The following NCK2 variants were observed in gnomAD, a reference collection of about 807,000 sequenced individuals.
NCK2 encodes NCK adaptor protein 2, also known as cytoplasmic protein NCK2.
A neutral mutation model predicts 33.9 loss-of-function variants in NCK2; 16 were observed. That is an observed-to-expected ratio of 0.47 (90% CI 0.32 to 0.72). NCK2 has a LOEUF of 0.72. Ranked by LOEUF, NCK2 falls within the 30% of genes least tolerant of loss-of-function variation. The probability of loss-of-function intolerance (pLI) is 0.03; values close to 1 mark genes in which losing one functional copy is unlikely to be tolerated. For synonymous variants in NCK2, 273 were observed against 239.9 expected (o/e 1.14, Z -1.27); for missense variants, 418 against 537.3 (o/e 0.78, Z 2.19).
In NCK2 at chr2:105,778,692, T is replaced by C. The variant is rs115897328; in HGVS notation, c.-201+33554T>C. Among the ~76,000 whole-genome samples, 1,467 of 152,300 alleles carry C rather than the reference T, an allele frequency of 9.6e-3. 10 individuals carry two copies. The highest frequency in any genetic ancestry group is 0.016 in the South Asian group (76 of 4,826). On this transcript the variant is annotated intron_variant, in intron 1 of 4. Coordinates refer to ENST00000233154, the MANE Select transcript of NCK2 (RefSeq NM_003581.5). ...TTACTGCACTGGTTATGTGTATCAA[T>C]TGAGATAATGGTTATTTTTTTCTTC...
chr2:105,870,610 G>A (rs1169163696), intron 3 of NCK2, among the ~76,000 whole-genome samples: 1 of 152,006 alleles, frequency 6.6e-6, no homozygotes, highest in Non-Finnish European at 1.5e-5. Flanking sequence ...ATAAAAATTA[G>A]CCAGGGTGGT....
chr2:105,824,273 G>A lies in NCK2; in HGVS notation c.-17+7660G>A, dbSNP rs146950324. The stretch of plus-strand genomic sequence containing the variant: ...CTGCTTTCCACTTGGGCCCCTGACG[G>A]TGCTCACAGGGAATGAGTGGGAAAT... On this transcript the variant is annotated intron_variant, in intron 2 of 4. Coordinates refer to ENST00000233154, the MANE Select transcript of NCK2 (RefSeq NM_003581.5). Among the ~76,000 whole-genome samples the A allele has an allele frequency of 3.6e-4, 54 of 150,518 alleles. No homozygotes were observed. The East Asian group carries it at 9.1e-3, about 25-fold the overall frequency.
chr2:105,779,736 G>T (rs1165668346), intron 1 of NCK2, among the ~76,000 whole-genome samples: 1 of 152,054 alleles, frequency 6.6e-6, no homozygotes, highest in Non-Finnish European at 1.5e-5. Context: ...GAGCCTCTTG[G>T]TCAGACCATG....
intron 2 of NCK2, among the ~76,000 whole-genome samples, chr2:105,844,461 C>T (rs1676771718): frequency 6.6e-6 from 1 of 151,790 alleles, no homozygotes; most frequent in Non-Finnish European, 1.5e-5. Flanking sequence ...TGGTGGCTCA[C>T]GCCTGTAATC....
chr2:105,885,245 T>C (rs969023357), intron 4 of NCK2, among the ~76,000 whole-genome samples: 10 of 152,204 alleles, frequency 6.6e-5, no homozygotes, highest in African/African-American at 2.4e-4. Context: ...CCCGAAGATA[T>C]CATGTATTTA....
intron 1 of NCK2, among the ~76,000 whole-genome samples, chr2:105,777,684 C>G (rs1000752326): frequency 1.6e-4 from 24 of 152,210 alleles, no homozygotes; most frequent in African/African-American, 5.8e-4. Context: ...CAATTCCTAT[C>G]AAGGTCCTGT....
chr2:105,820,443 T>C (rs1429749767), intron 2 of NCK2, among the ~76,000 whole-genome samples: 1 of 152,150 alleles, frequency 6.6e-6, no homozygotes, highest in East Asian at 1.9e-4. Flanking sequence ...GAGAGCAGCT[T>C]GAGGAGGATG....
chr2:105,744,503 G>C (rs1182860342), upstream of NCK2, among the ~76,000 whole-genome samples: 1 of 152,138 alleles, frequency 6.6e-6, no homozygotes, highest in Non-Finnish European at 1.5e-5. Context: ...AAGCCCACCC[G>C]GCAGTCATCC....
At chr2:105,844,191 A>T (rs1676760238) in intron 2 of NCK2, among the ~76,000 whole-genome samples, 1 of 152,064 alleles carries the variant, frequency 6.6e-6, no homozygotes, top group African/African-American at 2.4e-5. Flanking sequence ...ATGCTCTTCA[A>T]AAAAAAGGGA....
chr2:105,748,832 A>C (rs1337861053), intron 1 of NCK2, among the ~76,000 whole-genome samples: 1 of 152,098 alleles, frequency 6.6e-6, no homozygotes, highest in African/African-American at 2.4e-5. Context: ...GAATATGTGA[A>C]TAATGAGTGC....
At chr2:105,842,370 G>A (rs1424208742) in intron 2 of NCK2, among the ~76,000 whole-genome samples, 1 of 152,136 alleles carries the variant, frequency 6.6e-6, no homozygotes, top group Non-Finnish European at 1.5e-5. Flanking sequence ...ACAGGCGTGA[G>A]CCACTGCACC....
At chr2:105,840,816 C>A (rs1676612981) in intron 2 of NCK2, among the ~76,000 whole-genome samples, 1 of 152,330 alleles carries the variant, frequency 6.6e-6, no homozygotes, top group South Asian at 2.1e-4. Flanking sequence ...GTGGCTTAGG[C>A]CCAGAGGCTG....
At chr2:105,874,116 C>T (rs1265226334) in intron 3 of NCK2, among the ~76,000 whole-genome samples, 1 of 152,098 alleles carries the variant, frequency 6.6e-6, no homozygotes, top group Non-Finnish European at 1.5e-5. Context: ...CTCATGTGGC[C>T]GCCCTTTCAA....
At position 105,882,143 on chromosome 2, in the gene NCK2, A is replaced by G. The variant is rs570479509; in HGVS notation, c.948+94A>G. On this transcript the variant is annotated intron_variant, in intron 4 of 4. Coordinates refer to ENST00000233154, the MANE Select transcript of NCK2 (RefSeq NM_003581.5). ...CGCGCCCTTTTCACATTGTGTGAGT[A>G]CACTAGAAAGAGCGGGAGACGCAGA... The G allele has an allele frequency of 1.1e-4, 144 of 1,313,320 alleles. 1 individual carries two copies. In the African/African-American group the frequency reaches 2.0e-3, roughly 18 times the overall value. The allele number at this position is 1,313,320 out of a possible 1,614,324, so 81.4% of individuals were successfully genotyped here.
rs189638976 is a variant in NCK2 at position 105,786,697 on chromosome 2, G to C, written c.-200-29733G>C. On this transcript the variant is annotated intron_variant, in intron 1 of 4. Coordinates refer to ENST00000233154, the MANE Select transcript of NCK2 (RefSeq NM_003581.5). Reference sequence around the variant, plus strand: ...TGACTCTCCTGGGTCCCCGGGCAGGGCTTCCTGTCTCCATCGCTGTCTCTT... The same window carrying C: ...TGACTCTCCTGGGTCCCCGGGCAGGCCTTCCTGTCTCCATCGCTGTCTCTT... Among the ~76,000 whole-genome samples, 63 of 152,268 alleles carry C rather than the reference G, an allele frequency of 4.1e-4. No homozygotes were observed. The East Asian group carries it at 0.011, about 26-fold the overall frequency.
intron 3 of NCK2, among the ~76,000 whole-genome samples, chr2:105,864,998 A>T (rs1558876422): frequency 1.3e-5 from 2 of 152,172 alleles, no homozygotes; most frequent in South Asian, 4.1e-4. Context: ...CGGTCACCAG[A>T]GCCCTCCCCA....
chr2:105,849,399 A>G (rs978603628), intron 2 of NCK2, among the ~76,000 whole-genome samples: 2 of 152,152 alleles, frequency 1.3e-5, no homozygotes, highest in African/African-American at 2.4e-5. Context: ...AAAGAAGGAA[A>G]GAAGGAGGGA....
chr2:105,755,302 C>T (rs1689569097), intron 1 of NCK2, among the ~76,000 whole-genome samples: 1 of 152,134 alleles, frequency 6.6e-6, no homozygotes. Flanking sequence ...GGGTGTCAGA[C>T]ATCGTGCTGT....
chr2:105,886,020 C>T (rs1414909067), intron 4 of NCK2, among the ~76,000 whole-genome samples: 3 of 152,160 alleles, frequency 2.0e-5, no homozygotes, highest in Non-Finnish European at 2.9e-5. Flanking sequence ...GTGAAAGCTG[C>T]TTCCAGGGTT....
Sources: gnomAD v4.1 joint callset for allele counts (sites outside exome capture counted in the v4.1 genomes callset) on GRCh38, gnomAD v4.1.1 for gene constraint, MANE v1.5 for transcripts, NCBI Gene and HGNC (gene_info 2026-07-23, HGNC 2026-07-21) for gene names.